The following ADAMTS12 variants were observed in gnomAD, a reference collection of about 807,000 sequenced individuals.
The protein encoded by ADAMTS12 is ADAM metallopeptidase with thrombospondin type 1 motif 12.
A neutral mutation model predicts 167.8 loss-of-function variants in ADAMTS12; 118 were observed. The observed-to-expected ratio is 0.70, with a 90% CI of 0.61 to 0.82. The LOEUF (loss-of-function observed/expected upper bound fraction) is 0.82, where lower values mean the gene tolerates loss of function less well. Ranked by LOEUF, ADAMTS12 falls within the 40% of genes least tolerant of loss-of-function variation. The probability of loss-of-function intolerance (pLI) is 0.00; values close to 1 mark genes in which losing one functional copy is unlikely to be tolerated. For missense variants in ADAMTS12, 1,916 were observed against 1,998.8 expected (o/e 0.96, Z 0.79); for synonymous variants, 704 against 716.9 (o/e 0.98, Z 0.29).
intron 14 of ADAMTS12, among the ~76,000 whole-genome samples, chr5:33,618,621 C>T (rs528601114): frequency 5.3e-5 from 8 of 152,260 alleles, no homozygotes; most frequent in African/African-American, 1.7e-4. Context: ...GGTCCTGGTT[C>T]GGAAGCACTC....
At chr5:33,763,957 A>G (rs1406748072) in intron 2 of ADAMTS12, among the ~76,000 whole-genome samples, 3 of 152,168 alleles carry the variant, frequency 2.0e-5, no homozygotes, top group Non-Finnish European at 4.4e-5. Context: ...CAGGGAATGC[A>G]TACTTGATAC....
At chr5:33,850,997 G>A (rs1435602070) in intron 2 of ADAMTS12, among the ~76,000 whole-genome samples, 2 of 152,170 alleles carry the variant, frequency 1.3e-5, no homozygotes, top group African/African-American at 4.8e-5. Context: ...TAGAGCTTCT[G>A]GCTAGATGGG....
intron 3 of ADAMTS12, among the ~76,000 whole-genome samples, chr5:33,686,647 G>A (rs1311062803): frequency 6.6e-6 from 1 of 151,712 alleles, no homozygotes; most frequent in Non-Finnish European, 1.5e-5. Context: ...TGTGACAGTG[G>A]AGCCCCCATC....
At chr5:33,869,422 T>A (rs1749954734) in intron 2 of ADAMTS12, among the ~76,000 whole-genome samples, 1 of 151,762 alleles carries the variant, frequency 6.6e-6, no homozygotes, top group South Asian at 2.1e-4. Flanking sequence ...CTCATGGAGA[T>A]CCTCTGGTAG....
At chr5:33,647,914 T>A (rs1469244048) in intron 9 of ADAMTS12, among the ~76,000 whole-genome samples, 3 of 152,268 alleles carry the variant, frequency 2.0e-5, no homozygotes, top group Non-Finnish European at 2.9e-5. Flanking sequence ...TTTGAATTTA[T>A]CTCACTGTAT....
intron 3 of ADAMTS12, among the ~76,000 whole-genome samples, chr5:33,696,139 T>C (rs907673741): frequency 1.3e-5 from 2 of 152,172 alleles, no homozygotes; most frequent in African/African-American, 2.4e-5. Flanking sequence ...TAACAAATTA[T>C]AGCTGGGCGT....
chr5:33,702,707 T>C (rs1486189865), intron 3 of ADAMTS12, among the ~76,000 whole-genome samples: 1 of 152,152 alleles, frequency 6.6e-6, no homozygotes, highest in African/African-American at 2.4e-5. Context: ...TTTTTTTTCA[T>C]TGACAAAACC....
At chr5:33,780,895 G>A (rs1746102339) in intron 2 of ADAMTS12, among the ~76,000 whole-genome samples, 1 of 152,144 alleles carries the variant, frequency 6.6e-6, no homozygotes, top group Non-Finnish European at 1.5e-5. Flanking sequence ...TGCAGCAGGA[G>A]TGGTCTCATC....
At chr5:33,823,190 A>G (rs1479191413) in intron 2 of ADAMTS12, among the ~76,000 whole-genome samples, 3 of 152,132 alleles carry the variant, frequency 2.0e-5, no homozygotes, top group Non-Finnish European at 2.9e-5. Flanking sequence ...CTATTCTGAT[A>G]CTTAATTATA....
At chr5:33,770,638 C>A (rs555951583) in intron 2 of ADAMTS12, among the ~76,000 whole-genome samples, 1 of 152,198 alleles carries the variant, frequency 6.6e-6, no homozygotes, top group South Asian at 2.1e-4. Flanking sequence ...TGTTATTTCA[C>A]GGTCTCTGCC....
At chr5:33,889,112 T>C (rs1750751819) in intron 1 of ADAMTS12, among the ~76,000 whole-genome samples, 1 of 152,160 alleles carries the variant, frequency 6.6e-6, no homozygotes, top group Non-Finnish European at 1.5e-5. Context: ...ATCATATATG[T>C]TGACTAACTG....
intron 19 of ADAMTS12, among the ~76,000 whole-genome samples, chr5:33,573,425 G>T (rs1363667128): frequency 6.6e-6 from 1 of 152,114 alleles, no homozygotes; most frequent in Non-Finnish European, 1.5e-5. Flanking sequence ...GAACAGAACA[G>T]AGCCCTCAGA....
chr5:33,806,309 A>T (rs1747226049), intron 2 of ADAMTS12, among the ~76,000 whole-genome samples: 1 of 152,192 alleles, frequency 6.6e-6, no homozygotes, highest in African/African-American at 2.4e-5. Flanking sequence ...AGAATCTAGA[A>T]ATGCATCCAG....
chr5:33,779,631 T>C (rs1746049299), intron 2 of ADAMTS12, among the ~76,000 whole-genome samples: 1 of 152,170 alleles, frequency 6.6e-6, no homozygotes, highest in African/African-American at 2.4e-5. Flanking sequence ...CAGAATATTA[T>C]TTGGCCTTTA....
chr5:33,569,896 C>T (rs1280601233), intron 19 of ADAMTS12, among the ~76,000 whole-genome samples: 1 of 152,128 alleles, frequency 6.6e-6, no homozygotes, highest in Non-Finnish European at 1.5e-5. Context: ...TAGAGAAGTG[C>T]TTAAAGGAGC....
chr5:33,745,842 C>T (rs902443147), intron 3 of ADAMTS12, among the ~76,000 whole-genome samples: 18 of 152,202 alleles, frequency 1.2e-4, no homozygotes, highest in Non-Finnish European at 2.1e-4. Flanking sequence ...TTTTATTAAG[C>T]AAACAAAACT....
At chr5:33,553,068 A>G (rs1373925925) in intron 20 of ADAMTS12, among the ~76,000 whole-genome samples, 1 of 152,244 alleles carries the variant, frequency 6.6e-6, no homozygotes, top group Non-Finnish European at 1.5e-5. Context: ...ATGAACAGAC[A>G]CTTTTCAAAA....
intron 14 of ADAMTS12, among the ~76,000 whole-genome samples, chr5:33,621,949 T>C (rs1179040061): frequency 6.6e-6 from 1 of 152,176 alleles, no homozygotes; most frequent in Non-Finnish European, 1.5e-5. Context: ...CAAAAGAGGG[T>C]TGTGAGATAA....
At position 33,849,576 on chromosome 5, in the gene ADAMTS12, T is replaced by C. The variant is rs182061444; in HGVS notation, c.489+31543A>G. Among the ~76,000 whole-genome samples, 79 of 91,090 alleles carry C rather than the reference T, an allele frequency of 8.7e-4. 5 individuals are homozygous for C. The highest frequency in any genetic ancestry group is 4.2e-3 in the East Asian group (14 of 3,360). 59.8% of individuals were successfully genotyped at this position (91,090 alleles called of 152,430 possible). A position where few individuals can be genotyped will look rare whatever the true frequency, so the allele number is the denominator to read the frequency against. On this transcript the variant is annotated intron_variant, in intron 2 of 23. Coordinates refer to ENST00000504830, the MANE Select transcript of ADAMTS12 (RefSeq NM_030955.4). ...TACTGCATAGCAATACACATGTGTA[T>C]TGCATAGCAATACACATATGTATTG...
Sources: gnomAD v4.1 joint callset for allele counts (sites outside exome capture counted in the v4.1 genomes callset) on GRCh38, gnomAD v4.1.1 for gene constraint, MANE v1.5 for transcripts, NCBI Gene and HGNC (gene_info 2026-07-23, HGNC 2026-07-21) for gene names.